DPP10: variants seen among roughly 807,000 people sequenced by gnomAD.
DPP10 encodes the protein inactive dipeptidyl peptidase 10.
DPP10 carries 33 observed loss-of-function variants against 120.9 expected under a neutral mutation model. The ratio of observed to expected loss-of-function variants is 0.27; its 90% CI spans 0.21 to 0.37. The LOEUF (loss-of-function observed/expected upper bound fraction) is 0.37. DPP10 is among the 10% of genes least tolerant of loss of function. The pLI, the probability that DPP10 is intolerant of heterozygous loss-of-function variation, is 1.00. For synonymous variants in DPP10, 337 were observed against 326.1 expected, an observed-to-expected ratio of 1.03 and a Z score of -0.36; for missense variants, 816 against 942.8, an observed-to-expected ratio of 0.87 and a Z score of 1.76.
intron 1 of DPP10, among the ~76,000 whole-genome samples, chr2:115,244,875 G>C (rs543425041): frequency 1.3e-5 from 2 of 149,792 alleles, no homozygotes; most frequent in South Asian, 4.2e-4. Flanking sequence ...TAGTTTGGGG[G>C]AACAGGTGTT....
intron 1 of DPP10, among the ~76,000 whole-genome samples, chr2:114,871,567 T>A (rs533930497): frequency 2.6e-5 from 4 of 152,236 alleles, no homozygotes; most frequent in African/African-American, 9.6e-5. Flanking sequence ...TAACCCATTA[T>A]ACTTTGAGTT....
At chr2:115,753,435 T>A in intron 11 of DPP10, 138 bp downstream of exon 11, 2 of 745,130 alleles carry the variant, frequency 2.7e-6, no homozygotes, top group Non-Finnish European at 3.9e-6. Context: ...ATTATTCTAT[T>A]AAGAATATAT....
chr2:114,505,018 C>T (rs1683514698), intron 1 of DPP10, among the ~76,000 whole-genome samples: 1 of 135,638 alleles, frequency 7.4e-6, no homozygotes, highest in African/African-American at 2.8e-5. Context: ...CGCCACTGCA[C>T]TCCAGCCTGG....
chr2:115,765,711 A>G (rs913210027), intron 12 of DPP10, among the ~76,000 whole-genome samples: 2 of 152,182 alleles, frequency 1.3e-5, no homozygotes, highest in Non-Finnish European at 2.9e-5. Flanking sequence ...AAGAAACTCC[A>G]AGAGAGAAAT....
intron 5 of DPP10, among the ~76,000 whole-genome samples, chr2:115,585,657 A>C (rs1374914301): frequency 6.6e-6 from 1 of 152,196 alleles, no homozygotes; most frequent in Non-Finnish European, 1.5e-5. Context: ...GAGCTTTTCT[A>C]TAATCCATTG....
chr2:115,517,158 G>A (rs1030308248), intron 4 of DPP10, among the ~76,000 whole-genome samples: 1 of 152,102 alleles, frequency 6.6e-6, no homozygotes, highest in African/African-American at 2.4e-5. Context: ...CAGGAAACAG[G>A]AACAGGGAGG....
intron 3 of DPP10, among the ~76,000 whole-genome samples, chr2:115,400,685 A>G (rs908209733): frequency 1.3e-5 from 2 of 152,174 alleles, no homozygotes; most frequent in African/African-American, 4.8e-5. Flanking sequence ...AAAAAAATAG[A>G]AACAACATTT....
At chr2:114,803,932 G>A (rs1286432245) in intron 1 of DPP10, among the ~76,000 whole-genome samples, 7 of 152,198 alleles carry the variant, frequency 4.6e-5, no homozygotes, top group Non-Finnish European at 1.0e-4. Context: ...ATGTCTCCAG[G>A]CCATGTCAGA....
intron 1 of DPP10, among the ~76,000 whole-genome samples, chr2:114,462,713 C>T (rs911711635): frequency 2.0e-5 from 3 of 152,186 alleles, no homozygotes; most frequent in Admixed American, 6.5e-5. Context: ...CCCCCTGCTT[C>T]GCACACCATA....
chr2:114,461,734 T>C, intron 1 of DPP10: 1 of 985,444 alleles, frequency 1.0e-6, no homozygotes, highest in Non-Finnish European at 1.2e-6. Context: ...CAGGGACATG[T>C]TAATTAAACA....
chr2:114,855,751 T>C (rs1397272258), intron 1 of DPP10, among the ~76,000 whole-genome samples: 1 of 152,164 alleles, frequency 6.6e-6, no homozygotes, highest in Non-Finnish European at 1.5e-5. Context: ...AATTTTAAAA[T>C]CCCATAAAGC....
intron 1 of DPP10, among the ~76,000 whole-genome samples, chr2:114,447,358 T>C (rs899719412): frequency 1.3e-5 from 2 of 152,176 alleles, no homozygotes; most frequent in Non-Finnish European, 2.9e-5. Flanking sequence ...GCGTTTCACA[T>C]AGTACTTGAA....
intron 3 of DPP10, among the ~76,000 whole-genome samples, chr2:115,396,773 A>T (rs1321337459): frequency 6.6e-6 from 1 of 152,186 alleles, no homozygotes; most frequent in Non-Finnish European, 1.5e-5. Context: ...CAGAGGTCAG[A>T]GCCGTATCAG....
intron 1 of DPP10, among the ~76,000 whole-genome samples, chr2:114,704,357 T>C (rs968109418): frequency 1.3e-5 from 2 of 152,126 alleles, no homozygotes; most frequent in Non-Finnish European, 2.9e-5. Context: ...AACAGGCTGA[T>C]TGAATGATCA....
chr2:114,577,930 C>T (rs1199155744), intron 1 of DPP10, among the ~76,000 whole-genome samples: 2 of 152,214 alleles, frequency 1.3e-5, no homozygotes, highest in Admixed American at 6.5e-5. Flanking sequence ...TAAGACCTAA[C>T]TTAATGACCT....
At chr2:115,083,619 T>C (rs552877806) in intron 1 of DPP10, among the ~76,000 whole-genome samples, 1 of 152,080 alleles carries the variant, frequency 6.6e-6, no homozygotes, top group South Asian at 2.1e-4. Context: ...TCCTTAGCTG[T>C]AGTTTGTTTC....
chr2:115,439,491 C>T lies in DPP10; in HGVS notation c.272-60019C>T, dbSNP rs530469977. On this transcript the variant is annotated intron_variant, in intron 3 of 25. Transcript: ENST00000410059. ...TCATTTTATGTTACATATATTTTAT[C>T]ACAACAAAAATAGAATATTTTAATC... is the stretch of plus-strand genomic sequence containing the variant. 1.5e-4 allele frequency among the ~76,000 whole-genome samples: 23 copies of T among 152,258 alleles called. No homozygotes were observed. The South Asian group carries it at 4.6e-3, about 30-fold the overall frequency.
At chr2:115,682,414 A>G (rs539469825) in intron 5 of DPP10, among the ~76,000 whole-genome samples, 2 of 152,082 alleles carry the variant, frequency 1.3e-5, no homozygotes, top group South Asian at 4.1e-4. Context: ...CATGTTAAAT[A>G]TCAATTACTG....
At chr2:115,664,574 C>T (rs896183723) in intron 5 of DPP10, among the ~76,000 whole-genome samples, 2 of 151,904 alleles carry the variant, frequency 1.3e-5, no homozygotes, top group East Asian at 3.8e-4. Flanking sequence ...ATTTCTCTGT[C>T]AAGCAAGGAA....
Sources: allele counts gnomAD v4.1 joint callset (sites outside exome capture counted in the v4.1 genomes callset), GRCh38; gene constraint gnomAD v4.1.1; transcripts MANE v1.5; gene names NCBI Gene and HGNC (gene_info 2026-07-23, HGNC 2026-07-21).